Variants in RABGAP1L observed in about 807,000 individuals in gnomAD.
The protein encoded by RABGAP1L is RAB GTPase activating protein 1 like, also known as rab GTPase-activating protein 1-like.
Under a neutral mutation model 137.7 loss-of-function variants are expected in RABGAP1L, and 63 were observed. That is an observed-to-expected ratio of 0.46 (90% CI 0.37 to 0.56). The LOEUF is 0.56. Ranked by LOEUF, RABGAP1L falls within the 20% of genes least tolerant of loss-of-function variation. The probability of loss-of-function intolerance (pLI) is 0.00; values close to 1 mark genes in which losing one functional copy is unlikely to be tolerated. For missense variants in RABGAP1L, 1,095 were observed against 1,244.0 expected, an observed-to-expected ratio of 0.88 and a Z score of 1.80; for synonymous variants, 431 against 433.7, an observed-to-expected ratio of 0.99 and a Z score of 0.08.
At chr1:174,278,374 C>T (rs1024612877) in intron 9 of RABGAP1L, among the ~76,000 whole-genome samples, 1 of 152,168 alleles carries the variant, frequency 6.6e-6, no homozygotes, top group East Asian at 1.9e-4. Context: ...CCATTGTACT[C>T]CAGCCTGGGT....
chr1:174,725,222 G>C (rs1681887445), intron 17 of RABGAP1L, among the ~76,000 whole-genome samples: 1 of 152,182 alleles, frequency 6.6e-6, no homozygotes, highest in African/African-American at 2.4e-5. Context: ...AGAGTTGATG[G>C]TGGTTAGTTG....
At chr1:174,490,529 C>G (rs1660117226) in intron 13 of RABGAP1L, among the ~76,000 whole-genome samples, 2 of 152,118 alleles carry the variant, frequency 1.3e-5, no homozygotes, top group African/African-American at 4.8e-5. Flanking sequence ...AGACCTGGAG[C>G]CAGCATAGCA....
intron 14 of RABGAP1L, among the ~76,000 whole-genome samples, chr1:174,677,204 C>G (rs1398906540): frequency 6.6e-6 from 1 of 150,850 alleles, no homozygotes; most frequent in East Asian, 1.9e-4. Context: ...TGCCTGTAGC[C>G]CCAGCTATTT....
At chr1:174,476,851 T>C (rs1658558841) in intron 13 of RABGAP1L, among the ~76,000 whole-genome samples, 1 of 152,200 alleles carries the variant, frequency 6.6e-6, no homozygotes, top group Non-Finnish European at 1.5e-5. Flanking sequence ...AAGCATTTCC[T>C]TGGGGCTTGA....
At chr1:174,873,538 A>G (rs1401040939) in intron 19 of RABGAP1L, among the ~76,000 whole-genome samples, 3 of 138,670 alleles carry the variant, frequency 2.2e-5, no homozygotes, top group Non-Finnish European at 4.7e-5. Context: ...TCCGAGATGG[A>G]ATTCTCCCTC....
chr1:174,629,450 A>C (rs927818881), intron 13 of RABGAP1L, among the ~76,000 whole-genome samples: 9 of 152,214 alleles, frequency 5.9e-5, no homozygotes, highest in East Asian at 1.9e-4. Flanking sequence ...CCCTTAGCCA[A>C]ATGAGAGCAC....
At chr1:174,825,656 G>T (rs1379090647) in intron 19 of RABGAP1L, among the ~76,000 whole-genome samples, 1 of 152,232 alleles carries the variant, frequency 6.6e-6, no homozygotes, top group Admixed American at 6.5e-5. Flanking sequence ...GGCCAAGGTG[G>T]TGGATCACTT....
chr1:174,522,214 G>T lies in RABGAP1L; in HGVS notation c.1711-115161G>T, dbSNP rs536697359. ...TGTAGAGGGTAAAATATAGTTGCCA[G>T]GACTGTGGATATTGCAGAACAGCAG... On this transcript the variant is annotated intron_variant, in intron 13 of 25. Coordinates refer to ENST00000681986, the MANE Select transcript of RABGAP1L (RefSeq NM_001366446.1). Among the ~76,000 whole-genome samples, 63 of 152,286 alleles carry T rather than the reference G, an allele frequency of 4.1e-4. 1 individual carries two copies. Among genetic ancestry groups the T allele is most frequent in the East Asian group, 5.8e-4 (3 of 5,174 alleles).
At position 174,187,531 on chromosome 1, in the gene RABGAP1L, A is replaced by G. The variant is rs189449255; in HGVS notation, c.-34+27874A>G. On this transcript the variant is annotated intron_variant, in intron 1 of 25. Coordinates refer to ENST00000681986, the MANE Select transcript of RABGAP1L (RefSeq NM_001366446.1). ...CACTTAGTCATCTCATTGATAGCCT[A>G]TAGTACATTTTAAAATGGAAGTGTG... Among the ~76,000 whole-genome samples the G allele has an allele frequency of 2.6e-5, 4 of 152,252 alleles. No individual in the cohort carries two copies. In the East Asian group the frequency reaches 5.8e-4, roughly 22 times the overall value.
intron 19 of RABGAP1L, among the ~76,000 whole-genome samples, chr1:174,890,669 C>T (rs1214597583): frequency 6.6e-6 from 1 of 151,936 alleles, no homozygotes; most frequent in Non-Finnish European, 1.5e-5. Context: ...AAGTATCCTT[C>T]TATAAATATT....
chr1:174,859,121 T>G (rs2149013226), intron 19 of RABGAP1L, among the ~76,000 whole-genome samples: 1 of 152,274 alleles, frequency 6.6e-6, no homozygotes, highest in African/African-American at 2.4e-5. Context: ...GTATATTCAT[T>G]GCAACACTAT....
intron 19 of RABGAP1L, among the ~76,000 whole-genome samples, chr1:174,917,830 G>A (rs1463183093): frequency 6.6e-6 from 1 of 151,966 alleles, no homozygotes; most frequent in East Asian, 1.9e-4. Flanking sequence ...CTATGCAGGA[G>A]GCTGAGGCAG....
intron 19 of RABGAP1L, among the ~76,000 whole-genome samples, chr1:174,824,837 C>T (rs1464377379): frequency 6.6e-6 from 1 of 151,976 alleles, no homozygotes; most frequent in Non-Finnish European, 1.5e-5. Flanking sequence ...GAAATGGTGG[C>T]AGCAACATGT....
intron 13 of RABGAP1L, among the ~76,000 whole-genome samples, chr1:174,482,325 G>A (rs1242009192): frequency 6.6e-6 from 1 of 152,146 alleles, no homozygotes; most frequent in East Asian, 1.9e-4. Flanking sequence ...AAAGGGATAA[G>A]TAAAATAGGA....
At chr1:174,686,648 C>CTT (rs533716511) in intron 15 of RABGAP1L, among the ~76,000 whole-genome samples, 7,067 of 105,768 alleles carry the variant, frequency 0.067, 1,163 homozygotes, top group Middle Eastern at 0.15. Context: ...ACAAAGCAAT[C>CTT]TTTTTTTTTT....
chr1:174,432,654 CA>C (rs1652779654), intron 13 of RABGAP1L, among the ~76,000 whole-genome samples: 1 of 152,190 alleles, frequency 6.6e-6, no homozygotes, highest in Admixed American at 6.5e-5. Flanking sequence ...TCTCCTGCCT[CA>C]GCCTCCTGAG....
chr1:174,773,977 T>C (rs1045588747), intron 18 of RABGAP1L, among the ~76,000 whole-genome samples: 2 of 152,238 alleles, frequency 1.3e-5, no homozygotes, highest in African/African-American at 4.8e-5. Context: ...CTTTTTAGAA[T>C]GAAATAGACT....
chr1:174,351,894 C>T (rs967658967), intron 11 of RABGAP1L, among the ~76,000 whole-genome samples: 11 of 152,086 alleles, frequency 7.2e-5, no homozygotes, highest in Non-Finnish European at 1.0e-4. Context: ...CTCCACCTCC[C>T]GGGTTCATGC....
chr1:174,418,411 T>TA (rs1165738487), intron 13 of RABGAP1L, among the ~76,000 whole-genome samples: 1 of 152,228 alleles, frequency 6.6e-6, no homozygotes, highest in African/African-American at 2.4e-5. Flanking sequence ...GTGTCTTAAG[T>TA]CACTGGATAA....
Sources: gnomAD v4.1 joint callset for allele counts (sites outside exome capture counted in the v4.1 genomes callset) on GRCh38, gnomAD v4.1.1 for gene constraint, MANE v1.5 for transcripts, NCBI Gene and HGNC (gene_info 2026-07-23, HGNC 2026-07-21) for gene names.